The following MICAL3 variants were observed in gnomAD, a reference collection of about 807,000 sequenced individuals.
The protein encoded by MICAL3 is microtubule associated monooxygenase, calponin and LIM domain containing 3, also known as [F-actin]-monooxygenase MICAL3.
In MICAL3, 62 loss-of-function variants were observed where a neutral mutation model predicts 207.4. That is an observed-to-expected ratio of 0.30 (90% CI 0.24 to 0.37). MICAL3 has a LOEUF of 0.37. MICAL3 is among the 10% of genes least tolerant of loss of function. MICAL3 has a pLI of 1.00. For synonymous variants in MICAL3, 1,077 were observed against 1,069.3 expected (o/e 1.01, Z -0.14); for missense variants, 2,368 against 2,635.6 (o/e 0.90, Z 2.22).
chr22:17,849,638 A>AATG (rs1310545230), intron 19 of MICAL3, among the ~76,000 whole-genome samples: 1 of 142,452 alleles, frequency 7.0e-6, no homozygotes, highest in Non-Finnish European at 1.5e-5. Flanking sequence ...CCTGGCCCAG[A>AATG]ATGGAATGTG....
At chr22:17,863,225 G>C in intron 19 of MICAL3, 1 of 985,400 alleles carries the variant, frequency 1.0e-6, no homozygotes, top group Non-Finnish European at 1.2e-6. Flanking sequence ...ACTTCACTGT[G>C]TTTAATTCTT....
chr22:18,002,528 G>A (rs1195588991), intron 1 of MICAL3, among the ~76,000 whole-genome samples: 1 of 152,066 alleles, frequency 6.6e-6, no homozygotes, highest in Non-Finnish European at 1.5e-5. Context: ...AGCTACTTAG[G>A]AGGCTGAGGC....
At chr22:17,946,688 G>C (rs1934084074) in intron 1 of MICAL3, among the ~76,000 whole-genome samples, 1 of 152,204 alleles carries the variant, frequency 6.6e-6, no homozygotes, top group African/African-American at 2.4e-5. Flanking sequence ...TTATGTGGAA[G>C]ATAGAGGAAA....
At chr22:17,864,395 G>A in intron 19 of MICAL3, 3 of 1,353,538 alleles carry the variant, frequency 2.2e-6, no homozygotes, top group Non-Finnish European at 2.9e-6. Context: ...ACAGGACGCA[G>A]AATCTTAAGT....
rs759071489 is a variant in MICAL3, at chr22:17,818,456, G to A, written c.4205C>T (p.Pro1402Leu). 1 of 1,613,050 alleles carries A rather than the reference G, an allele frequency of 6.2e-7. No homozygotes were observed. The highest frequency in any genetic ancestry group is 1.7e-5 in the Admixed American group (1 of 60,036). Residue 1402 changes from proline (P) to leucine (L), a missense_variant, in exon 26 of 32, where the codon CCA becomes CTA. Physicochemically the swap from Pro to Leu is moderately conservative, Grantham distance 98 (BLOSUM62 -3). Coordinates refer to ENST00000441493, the MANE Select transcript of MICAL3 (RefSeq NM_015241.3). ...TCTGTCGGACGGGGACCGGGGGGTT[G>A]GCAGGGACAACGGCTCGCCTTCCGG... ...PKPEGEPLSL[P>L]TPRSPSDREL...
Position 17,871,900 on chromosome 22 carries a change from A to G in MICAL3, c.2365T>C (p.Phe789Leu). Residue 789 changes from phenylalanine to leucine, a missense_variant, in exon 17 of 32, where the codon TTC becomes CTC. Coordinates refer to ENST00000441493, the MANE Select transcript of MICAL3 (RefSeq NM_015241.3). ...GTGGTGGCGCAGTACTCGCACTTGA[A>G]GCAGCTCCGGTGGAAGAACTTGCCC... ...AEGKFFHRSC[F>L]KCEYCATTLR... The G allele has an allele frequency of 6.2e-7, 1 of 1,611,658 alleles. No individual in the cohort carries two copies. The highest frequency in any genetic ancestry group is 8.5e-7 in the Non-Finnish European group (1 of 1,179,046).
chr22:17,896,618 T>C, intron 8 of MICAL3, 106 bp downstream of exon 8: 5 of 1,190,950 alleles, frequency 4.2e-6, no homozygotes, highest in African/African-American at 1.5e-5. Flanking sequence ...GGAGTTTACC[T>C]GTGCTGTACA....
Position 17,887,166 on chromosome 22 carries a change from T to G in MICAL3, c.2067+4A>C. On this transcript the variant is annotated splice_donor_region_variant and intron_variant, in intron 15 of 31. Coordinates refer to ENST00000441493, the MANE Select transcript of MICAL3 (RefSeq NM_015241.3). ...ATTCTAGCAATTCCCCAAGTGAATCTCACCTCCTCTGATTGACTGGTCTTT... is the reference window on the plus strand; with the variant it reads ...ATTCTAGCAATTCCCCAAGTGAATCGCACCTCCTCTGATTGACTGGTCTTT... 1 of 1,612,726 alleles carries G rather than the reference T, an allele frequency of 6.2e-7. No individual in the cohort carries two copies. The highest frequency in any genetic ancestry group is 8.5e-7 in the Non-Finnish European group (1 of 1,179,014).
In MICAL3 at chr22:17,906,719, A is replaced by G; in HGVS notation, c.94T>C (p.Phe32Leu). 1.2e-6 allele frequency: 2 copies of G among 1,613,956 alleles called. No individual in the cohort carries two copies. Among genetic ancestry groups the G allele is most frequent in the East Asian group, 2.2e-5 (1 of 44,868 alleles). ...ATTCKGTLKAFQELCDHLELK... is the reference protein window; with the variant it reads ...ATTCKGTLKALQELCDHLELK... ...TCCAGGTGGTCACAGAGCTCCTGGA[A>G]AGCCTTGAGGGTTCCCTTGCAGGTG... is the stretch of plus-strand genomic sequence containing the variant. Residue 32 changes from phenylalanine (F) to leucine (L), a missense_variant, in exon 2 of 32, where the codon TTC becomes CTC. This residue lies in a region of MICAL3 where 400 missense variants were observed against 547.0 expected (regional missense o/e 0.73). Transcript: ENST00000441493.
chr22:17,986,401 T>C (rs1196601290), intron 1 of MICAL3, among the ~76,000 whole-genome samples: 1 of 152,100 alleles, frequency 6.6e-6, no homozygotes, highest in Non-Finnish European at 1.5e-5. Flanking sequence ...ACGCCTGTAG[T>C]CCCAGCTACT....
chr22:17,822,095 T>C lies in MICAL3; in HGVS notation c.3383A>G (p.Glu1128Gly). 2 of 1,613,940 alleles carry C rather than the reference T, an allele frequency of 1.2e-6. No homozygotes were observed. The highest frequency in any genetic ancestry group is 1.1e-5 in the South Asian group (1 of 91,088). The change falls in exon 24 of 32, where the codon GAG becomes GGG. Residue 1128 changes from glutamate (E) to glycine (G), a missense_variant. Glu to Gly is a moderately conservative substitution (Grantham distance 98, BLOSUM62 -2). This residue lies in a region of MICAL3 where 1,770 missense variants were observed against 1,863.2 expected (regional missense o/e 0.95). Coordinates refer to ENST00000441493, the MANE Select transcript of MICAL3 (RefSeq NM_015241.3). ...RLPCPAEGEA[E>G]LELRVSEDEE... is the part of the protein sequence containing the mutation. The stretch of plus-strand genomic sequence containing the variant: ...ATCTTCCGACACCCTCAGCTCCAGC[T>C]CTGCTTCCCCCTCAGCTGGGCACGG...
chr22:17,878,135 G>C (rs1929057279), intron 16 of MICAL3, among the ~76,000 whole-genome samples: 3 of 151,836 alleles, frequency 2.0e-5, no homozygotes, highest in Admixed American at 6.6e-5. Flanking sequence ...TTACAGGCCT[G>C]AGCCACCGCA....
chr22:17,872,775 G>A, intron 16 of MICAL3: 1 of 1,613,416 alleles, frequency 6.2e-7, no homozygotes. Context: ...AAGGGCTTTG[G>A]GTTGTTCTTT....
In MICAL3 at chr22:17,877,549, GGGAGGTTAT is replaced by G. The variant is rs796596668; in HGVS notation, c.2242-5535_2242-5527del. ...GAGGTGAGGGAGGTTATGGAGGTGAGGGAGGTTATGGAGGTTAGGGAGGTTAGGGAAGTT... is the reference window on the plus strand; with the variant it reads ...GAGGTGAGGGAGGTTATGGAGGTGAGGGAGGTTAGGGAGGTTAGGGAAGTT... On this transcript the variant is annotated intron_variant, in intron 16 of 31. Transcript: ENST00000441493. Among the ~76,000 whole-genome samples, 102 of 100,768 alleles carry G rather than the reference GGGAGGTTAT, an allele frequency of 1.0e-3. 5 individuals carry two copies. The highest frequency in any genetic ancestry group is 2.5e-3 in the East Asian group (7 of 2,750). The allele number at this position is 100,768 out of a possible 152,430, so 66.1% of individuals were successfully genotyped here. A position where few individuals can be genotyped will look rare whatever the true frequency, so the allele number is the denominator to read the frequency against.
At chr22:17,927,407 C>T (rs770438275) in intron 1 of MICAL3, among the ~76,000 whole-genome samples, 5 of 152,208 alleles carry the variant, frequency 3.3e-5, no homozygotes, top group Non-Finnish European at 5.9e-5. Context: ...CACAAATACA[C>T]CCTGCTCAAG....
intron 16 of MICAL3, chr22:17,879,246 G>A (rs949628347): frequency 1.9e-5 from 19 of 999,432 alleles, no homozygotes; most frequent in East Asian, 2.6e-5. Context: ...AGCAAGGGGA[G>A]GGGGCCGTCC....
At chr22:17,882,613 A>G (rs1329131608) in intron 16 of MICAL3, among the ~76,000 whole-genome samples, 5 of 152,206 alleles carry the variant, frequency 3.3e-5, no homozygotes, top group Admixed American at 1.3e-4. Context: ...AATACTATAC[A>G]TTTCACATGG....
Position 17,846,489 on chromosome 22 carries a change from G to A in MICAL3, c.2606-4472C>T, listed in dbSNP as rs553561077. Among the ~76,000 whole-genome samples, 6 of 152,264 alleles carry A rather than the reference G, an allele frequency of 3.9e-5. No homozygotes were observed. The East Asian group carries it at 9.6e-4, about 24-fold the overall frequency. On this transcript the variant is annotated intron_variant, in intron 19 of 31. Transcript: ENST00000441493. ...GGGCTTTCTGTCAGATGAATCAGGC[G>A]GTGATGAGAAACCAAGATAGTGAGA...
chr22:17,917,946 A>G (rs989578428), intron 1 of MICAL3, among the ~76,000 whole-genome samples: 4 of 152,252 alleles, frequency 2.6e-5, no homozygotes, highest in Non-Finnish European at 5.9e-5. Context: ...GAGCATGAGC[A>G]CACAGTGACT....
Sources: gnomAD v4.1 joint callset for allele counts (sites outside exome capture counted in the v4.1 genomes callset) on GRCh38, gnomAD v4.1.1 for gene constraint, gnomAD v4.1.1 regional missense constraint, MANE v1.5 for transcripts, NCBI Gene and HGNC (gene_info 2026-07-23, HGNC 2026-07-21) for gene names.